Variants in PAQR8 observed in about 807,000 individuals in gnomAD.
The protein encoded by PAQR8 is membrane progestin receptor beta.
A neutral mutation model predicts 25.2 loss-of-function variants in PAQR8; 17 were observed. The ratio of observed to expected loss-of-function variants is 0.67; its 90% CI spans 0.46 to 1.01. The LOEUF (loss-of-function observed/expected upper bound fraction) is 1.01, where lower values mean the gene tolerates loss of function less well. PAQR8 is among the 50% of genes least tolerant of loss of function. PAQR8 has a pLI of 0.00. For missense variants in PAQR8, 392 were observed against 448.4 expected (o/e 0.87, Z 1.14); for synonymous variants, 204 against 190.6 (o/e 1.07, Z -0.58).
intron 1 of PAQR8, among the ~76,000 whole-genome samples, chr6:52,395,813 T>C (rs1037590059): frequency 6.6e-6 from 1 of 152,188 alleles, no homozygotes; most frequent in Non-Finnish European, 1.5e-5. Flanking sequence ...TCCTAAAAAG[T>C]GGATAGACAG....
At chr6:52,364,084 T>TTTTTTTTTTTTTG (rs1763323515) in intron 1 of PAQR8, among the ~76,000 whole-genome samples, 1 of 26,146 alleles carries the variant, frequency 3.8e-5, no homozygotes, top group Non-Finnish European at 8.2e-5. Flanking sequence ...GAAAGATATG[T>TTTTTTTTTTTTTG]TTTTTTTTTT....
intron 1 of PAQR8, among the ~76,000 whole-genome samples, chr6:52,390,208 A>G (rs1484148676): frequency 6.6e-6 from 1 of 152,224 alleles, no homozygotes; most frequent in East Asian, 1.9e-4. Context: ...CATGTGGCAG[A>G]TGCATTCTCT....
At chr6:52,388,306 G>C (rs1416748966) in intron 1 of PAQR8, among the ~76,000 whole-genome samples, 6 of 152,044 alleles carry the variant, frequency 3.9e-5, no homozygotes, top group Non-Finnish European at 8.8e-5. Context: ...AGCCTGGGAG[G>C]TGGAGGTTGC....
At chr6:52,397,340 A>G (rs1283800075) in intron 1 of PAQR8, among the ~76,000 whole-genome samples, 1 of 152,142 alleles carries the variant, frequency 6.6e-6, no homozygotes, top group Non-Finnish European at 1.5e-5. Context: ...TCTTTGCTAG[A>G]ATGCCCCAAT....
intron 1 of PAQR8, among the ~76,000 whole-genome samples, chr6:52,364,087 T>TTTG (rs1274926764): frequency 1.4e-5 from 2 of 141,964 alleles, no homozygotes; most frequent in Non-Finnish European, 3.1e-5. Flanking sequence ...AGATATGTTT[T>TTTG]TTTTTTTTTT....
intron 1 of PAQR8, among the ~76,000 whole-genome samples, chr6:52,381,831 G>T (rs1007010929): frequency 5.3e-5 from 8 of 152,206 alleles, no homozygotes; most frequent in Non-Finnish European, 8.8e-5. Context: ...TCAGCTGGTT[G>T]TTGAGCTCAG....
chr6:52,396,924 T>G (rs1361757355), intron 1 of PAQR8, among the ~76,000 whole-genome samples: 1 of 152,060 alleles, frequency 6.6e-6, no homozygotes, highest in Non-Finnish European at 1.5e-5. Context: ...GGAGGCAAAT[T>G]TGGAAATCAG....
At chr6:52,387,065 G>C (rs1227868612) in intron 1 of PAQR8, among the ~76,000 whole-genome samples, 1 of 152,110 alleles carries the variant, frequency 6.6e-6, no homozygotes, top group Non-Finnish European at 1.5e-5. Flanking sequence ...AGGCTGCAGT[G>C]CAGTGGCACA....
intron 1 of PAQR8, among the ~76,000 whole-genome samples, chr6:52,372,998 C>G (rs1290735602): frequency 1.3e-5 from 2 of 152,154 alleles, no homozygotes; most frequent in Non-Finnish European, 2.9e-5. Flanking sequence ...GATTCAAATC[C>G]AAGTTGCCTA....
intron 1 of PAQR8, among the ~76,000 whole-genome samples, chr6:52,369,271 C>T (rs1295514207): frequency 1.3e-5 from 2 of 152,166 alleles, no homozygotes; most frequent in Non-Finnish European, 2.9e-5. Flanking sequence ...AATCAACCCT[C>T]AGTTCCTAGG....
chr6:52,363,735 G>A (rs967271369), intron 1 of PAQR8, among the ~76,000 whole-genome samples: 2 of 152,176 alleles, frequency 1.3e-5, no homozygotes, highest in Non-Finnish European at 2.9e-5. Flanking sequence ...TGACTGCCCT[G>A]TTAAGGTTAT....
intron 1 of PAQR8, among the ~76,000 whole-genome samples, chr6:52,397,944 TG>T (rs1358183537): frequency 6.6e-6 from 1 of 152,146 alleles, no homozygotes; most frequent in East Asian, 1.9e-4. Context: ...CTTTGAATCA[TG>T]GAAGCATTGC....
intron 1 of PAQR8, among the ~76,000 whole-genome samples, chr6:52,399,105 G>A (rs1763801691): frequency 6.6e-6 from 1 of 152,240 alleles, no homozygotes; most frequent in Admixed American, 6.5e-5. Context: ...CTCTCCCCTT[G>A]TGCACCTTTT....
At chr6:52,364,081 A>ATTTTTT (rs1581786362) in intron 1 of PAQR8, among the ~76,000 whole-genome samples, 5 of 39,068 alleles carry the variant, frequency 1.3e-4, no homozygotes, top group Admixed American at 7.9e-4. Context: ...ATTGAAAGAT[A>ATTTTTT]TGTTTTTTTT....
intron 1 of PAQR8, among the ~76,000 whole-genome samples, chr6:52,372,914 A>G (rs2113935799): frequency 6.6e-6 from 1 of 152,316 alleles, no homozygotes; most frequent in East Asian, 1.9e-4. Flanking sequence ...CCTATTTGAC[A>G]GATGAAGGCT....
chr6:52,373,889 T>C (rs754112134), intron 1 of PAQR8, among the ~76,000 whole-genome samples: 10 of 152,190 alleles, frequency 6.6e-5, no homozygotes, highest in African/African-American at 2.2e-4. Flanking sequence ...CCAAATCTCA[T>C]GTTCAGTTAT....
rs1384806406 is a variant in PAQR8, at chr6:52,407,533, G to A, written c.*3255G>A. On this transcript the variant is annotated 3_prime_UTR_variant, in exon 2 of 2. Transcript: ENST00000442253. The stretch of plus-strand genomic sequence containing the variant: ...GTTCACAAAAAGTACCTTTATGCTT[G>A]AAAACATTAGGTTCTTTGGTTACTG... 1 of 166,926 alleles carries A rather than the reference G, an allele frequency of 6.0e-6. No individual in the cohort carries two copies. Among genetic ancestry groups the A allele is most frequent in the African/African-American group, 2.4e-5 (1 of 41,394 alleles). 10.3% of individuals were successfully genotyped at this position (166,926 alleles called of 1,614,324 possible). A position where few individuals can be genotyped will look rare whatever the true frequency, so the allele number is the denominator to read the frequency against.
In PAQR8 at chr6:52,403,327, A is replaced by G. The variant is rs1435958681; in HGVS notation, c.114A>G (p.Pro38=). The G allele has an allele frequency of 6.2e-7, 1 of 1,614,240 alleles. No homozygotes were observed. The highest frequency in any genetic ancestry group is 1.7e-5 in the Admixed American group (1 of 60,032). Residue 38 remains proline (P), a synonymous_variant, in exon 2 of 2, where the codon CCA becomes CCG. Coordinates refer to ENST00000442253, the MANE Select transcript of PAQR8 (RefSeq NM_133367.5). ...TTCCCAAGATGCCTTGCACTGTCCC[A>G]GAAACGGATGTGCCCCAGCTCTTCC... ...DGLPKMPCTV[P]ETDVPQLFRE... is the part of the protein sequence containing the mutation.
At chr6:52,368,009 G>A (rs530693500) in intron 1 of PAQR8, among the ~76,000 whole-genome samples, 7 of 152,132 alleles carry the variant, frequency 4.6e-5, no homozygotes, top group African/African-American at 1.4e-4. Flanking sequence ...TGGGAAGATC[G>A]CTTGAGCCCC....
Sources: allele counts gnomAD v4.1 joint callset (sites outside exome capture counted in the v4.1 genomes callset), GRCh38; gene constraint gnomAD v4.1.1; transcripts MANE v1.5; gene names NCBI Gene and HGNC (gene_info 2026-07-23, HGNC 2026-07-21).